PLOD1: variants seen among roughly 807,000 people sequenced by gnomAD.
PLOD1 encodes the protein procollagen-lysine,2-oxoglutarate 5-dioxygenase 1, also known as lysine hydroxylase.
A neutral mutation model predicts 94.7 loss-of-function variants in PLOD1; 70 were observed. The observed-to-expected ratio is 0.74, with a 90% CI of 0.61 to 0.90. The LOEUF (loss-of-function observed/expected upper bound fraction) is 0.90, where lower values mean the gene tolerates loss of function less well. Ranked by LOEUF, PLOD1 falls within the 40% of genes least tolerant of loss-of-function variation. The probability of loss-of-function intolerance (pLI) is 0.00; values close to 1 mark genes in which losing one functional copy is unlikely to be tolerated. For missense variants in PLOD1, 905 were observed against 972.7 expected (o/e 0.93, Z 0.93); for synonymous variants, 417 against 400.2 (o/e 1.04, Z -0.50).
In PLOD1 at chr1:11,949,880, G is replaced by A. The variant is rs768169776; in HGVS notation, c.276G>A (p.Glu92=). The change falls in exon 3 of 19, where the codon GAG becomes GAA. Residue 92 remains glutamate, a synonymous_variant. Coordinates refer to ENST00000196061, the MANE Select transcript of PLOD1 (RefSeq NM_000302.4). ...CTCTGGAGAAGCACGCAGACAAGGAGGATCTGGTCATTCTCTTCGCAGACA... is the reference window on the plus strand; with the variant it reads ...CTCTGGAGAAGCACGCAGACAAGGAAGATCTGGTCATTCTCTTCGCAGACA... ...KKALEKHADK[E]DLVILFADSY... 3.9e-5 allele frequency: 63 copies of A among 1,614,022 alleles called. 1 individual carries two copies. The highest frequency in any genetic ancestry group is 3.6e-5 in the Non-Finnish European group (42 of 1,180,010).
chr1:11,970,923 G>A, intron 17 of PLOD1, 107 bp downstream of exon 17: 1 of 978,172 alleles, frequency 1.0e-6, no homozygotes, highest in Non-Finnish European at 1.4e-6. Context: ...AACTGGGAGG[G>A]GCCGAGGTGG....
chr1:11,958,419 C>A lies in PLOD1; in HGVS notation c.844-97C>A. The A allele has an allele frequency of 7.2e-7, 1 of 1,397,816 alleles. No homozygotes were observed. The highest frequency in any genetic ancestry group is 1.4e-5 in the African/African-American group (1 of 70,658). The allele number at this position is 1,397,816 out of a possible 1,614,324, so 86.6% of individuals were successfully genotyped here. ...CCTTTCTTGGGAAGTCTACATGCTT[C>A]TGATTCTGGCTCTGACTCCCTTGGG... On this transcript the variant is annotated intron_variant, in intron 8 of 18. Coordinates refer to ENST00000196061, the MANE Select transcript of PLOD1 (RefSeq NM_000302.4). This position sits in a 1 kb window ranked among gnomAD's most constrained non-coding sequence, Gnocchi z 4.3.
chr1:11,944,826 C>T (rs372243837), intron 1 of PLOD1, among the ~76,000 whole-genome samples: 8 of 152,356 alleles, frequency 5.3e-5, no homozygotes, highest in East Asian at 3.9e-4. Flanking sequence ...ACCCCTGCCC[C>T]GCCAGCTCTG....
Position 11,972,744 on chromosome 1 carries a change from T to G in PLOD1, c.1903-128T>G, listed in dbSNP as rs116375338. ...GCAGGCACTCGAGCATAGAGCCCCA[T>G]GTAGACCTGGCCCCTGTAAGCTGAC... On this transcript the variant is annotated intron_variant, in intron 17 of 18. Coordinates refer to ENST00000196061, the MANE Select transcript of PLOD1 (RefSeq NM_000302.4). This position sits in a 1 kb window ranked among gnomAD's most constrained non-coding sequence, Gnocchi z 4.6. 1,754 of 941,182 alleles carry G rather than the reference T, an allele frequency of 1.9e-3. 13 individuals are homozygous for G. In the African/African-American group the frequency reaches 0.025, roughly 13 times the overall value. The allele number at this position is 941,182 out of a possible 1,614,324, so 58.3% of individuals were successfully genotyped here.
chr1:11,956,043 T>A (rs2100749728), intron 6 of PLOD1, among the ~76,000 whole-genome samples: 1 of 151,790 alleles, frequency 6.6e-6, no homozygotes, highest in East Asian at 2.0e-4. Flanking sequence ...ATTACAGGTG[T>A]GCGCCAGCGT....
rs149425237 is a variant in PLOD1 at position 11,972,896 on chromosome 1, G to A, written c.1927G>A (p.Val643Ile). 1,475 of 1,613,980 alleles carry A rather than the reference G, an allele frequency of 9.1e-4. 1 individual carries two copies. The highest frequency in any genetic ancestry group is 1.2e-3 in the Non-Finnish European group (1,377 of 1,179,954). The change falls in exon 18 of 19, where the codon GTC (valine) becomes ATC (isoleucine). Residue 643 changes from valine to isoleucine, a missense_variant. By Grantham distance (29) the Val-to-Ile change is conservative (BLOSUM62 3). Transcript: ENST00000196061. This position sits in a 1 kb window ranked among gnomAD's most constrained non-coding sequence, Gnocchi z 4.6. ...TRAQFDLAFVVRYKPDEQPSL... is the reference protein window; with the variant it reads ...TRAQFDLAFVIRYKPDEQPSL... ...GGCCCAGTTTGACCTGGCCTTTGTC[G>A]TCCGCTACAAGCCTGATGAGCAGCC...
intron 1 of PLOD1, among the ~76,000 whole-genome samples, chr1:11,940,866 G>A (rs773612066): frequency 2.0e-5 from 3 of 152,206 alleles, no homozygotes; most frequent in Non-Finnish European, 2.9e-5. Context: ...ACCTCACCAC[G>A]TGACTGCAGT....
At chr1:11,966,853 C>T (rs955718021) in intron 15 of PLOD1, 134 bp from the exon 16 acceptor site, 4 of 729,454 alleles carry the variant, frequency 5.5e-6, no homozygotes, top group Non-Finnish European at 1.0e-5. Flanking sequence ...CACTCAGTCT[C>T]TCCAGGATTG....
At position 11,934,842 on chromosome 1, in the gene PLOD1, C is replaced by T; in HGVS notation, c.63C>T (p.Asp21=). ...TGCTGCTGGCCGAAGCGAAGGGCGA[C>T]GCCAAGCCGGAGGGTGAGGGAGCGA... is the stretch of plus-strand genomic sequence containing the variant. ...GWLLLAEAKG[D]AKPEDNLLVL... is the part of the protein sequence containing the mutation. Residue 21 remains aspartate, a synonymous_variant, in exon 1 of 19, where the codon GAC becomes GAT. Coordinates refer to ENST00000196061, the MANE Select transcript of PLOD1 (RefSeq NM_000302.4). The T allele has an allele frequency of 6.5e-7, 1 of 1,539,228 alleles. No homozygotes were observed.
At chr1:11,966,743 C>G (rs993569317) in intron 15 of PLOD1, among the ~76,000 whole-genome samples, 4 of 152,152 alleles carry the variant, frequency 2.6e-5, no homozygotes, top group South Asian at 2.1e-4. Context: ...GCCTCTGCCC[C>G]CTCCCTCCCT....
chr1:11,944,724 G>T, intron 1 of PLOD1: 2 of 1,192,738 alleles, frequency 1.7e-6, no homozygotes, highest in Non-Finnish European at 2.2e-6. Context: ...CCCCAGCACC[G>T]CAGCTAATCC....
At chr1:11,967,597 G>GTGTATATATATATATATA (rs1391982281) in intron 16 of PLOD1, among the ~76,000 whole-genome samples, 55 of 59,762 alleles carry the variant, frequency 9.2e-4, no homozygotes, top group South Asian at 3.5e-3. Flanking sequence ...GTGTGTGTGT[G>GTGTATATATATATATATA]TATATATATA....
At chr1:11,962,251 C>T (rs1569716615) in intron 10 of PLOD1, among the ~76,000 whole-genome samples, 3 of 146,356 alleles carry the variant, frequency 2.0e-5, no homozygotes, top group East Asian at 2.1e-4. Context: ...ATAATTTTTA[C>T]ATCTTCTTTT....
chr1:11,973,137 G>C (rs750804170), intron 18 of PLOD1, 140 bp downstream of exon 18: 3 of 843,446 alleles, frequency 3.6e-6, no homozygotes, highest in Non-Finnish European at 5.7e-6. Flanking sequence ...ATGTGGGTCT[G>C]TGGGAGGGCT....
intron 11 of PLOD1, among the ~76,000 whole-genome samples, 154 bp from the exon 12 acceptor site, chr1:11,964,021 C>T (rs187090823): frequency 1.5e-4 from 23 of 152,256 alleles, no homozygotes; most frequent in East Asian, 5.8e-4. Flanking sequence ...GCCAAACCCC[C>T]GACACCCCGG....
rs1034375008 is a variant in PLOD1, at chr1:11,963,355, G to A, written c.1098-177G>A. ...CAACCTCTGGGCCTTGGGTGAGAGA[G>A]CCCAGCAGTCCAGGGGTTTGGGACT... On this transcript the variant is annotated intron_variant, in intron 10 of 18. Transcript: ENST00000196061. The surrounding 1 kb of genome is among the most constrained non-coding windows in gnomAD (Gnocchi z 4.3). Among the ~76,000 whole-genome samples the A allele has an allele frequency of 6.6e-6, 1 of 152,192 alleles. No homozygotes were observed. Among genetic ancestry groups the A allele is most frequent in the African/African-American group, 2.4e-5 (1 of 41,450 alleles).
Position 11,972,908 on chromosome 1 carries a change from C to T in PLOD1, c.1939C>T (p.Pro647Ser). The T allele has an allele frequency of 6.2e-7, 1 of 1,614,098 alleles. No homozygotes were observed. Among genetic ancestry groups the T allele is most frequent in the South Asian group, 1.1e-5 (1 of 91,080 alleles). ...CCTGGCCTTTGTCGTCCGCTACAAGCCTGATGAGCAGCCCTCACTGATGCC... is the reference window on the plus strand; with the variant it reads ...CCTGGCCTTTGTCGTCCGCTACAAGTCTGATGAGCAGCCCTCACTGATGCC... ...FDLAFVVRYKPDEQPSLMPHH... is the reference protein window; with the variant it reads ...FDLAFVVRYKSDEQPSLMPHH... Residue 647 changes from proline to serine, a missense_variant, in exon 18 of 19, where the codon CCT (proline) becomes TCT (serine). Transcript: ENST00000196061. The surrounding 1 kb of genome is among the most constrained non-coding windows in gnomAD (Gnocchi z 4.6).
rs3047221 is a variant in PLOD1 at position 11,972,209 on chromosome 1, C to CCT, written c.1903-644_1903-643dup. ...CCTTTCTTCCCTTCCTTCCTTCCTT[C>CCT]CTCTCTCTCTCTCTCTCTCTTTCTT... On this transcript the variant is annotated intron_variant, in intron 17 of 18. Coordinates refer to ENST00000196061, the MANE Select transcript of PLOD1 (RefSeq NM_000302.4). The surrounding 1 kb of genome is among the most constrained non-coding windows in gnomAD (Gnocchi z 4.6). 0.04 allele frequency: 5,842 copies of CCT among 147,100 alleles called. 221 individuals carry two copies. The highest frequency in any genetic ancestry group is 0.11 in the African/African-American group (4,077 of 38,312). 9.1% of individuals were successfully genotyped at this position (147,100 alleles called of 1,614,324 possible). A position where few individuals can be genotyped will look rare whatever the true frequency, so the allele number is the denominator to read the frequency against.
At chr1:11,961,814 A>G (rs150906312) in intron 10 of PLOD1, among the ~76,000 whole-genome samples, 1 of 152,052 alleles carries the variant, frequency 6.6e-6, no homozygotes, top group African/African-American at 2.4e-5. Flanking sequence ...TTAGAGACTG[A>G]GTCTCACTCC....
Sources: allele counts gnomAD v4.1 joint callset (sites outside exome capture counted in the v4.1 genomes callset), GRCh38; gene constraint gnomAD v4.1.1; non-coding constraint Gnocchi (gnomAD v3.1); transcripts MANE v1.5; gene names NCBI Gene and HGNC (gene_info 2026-07-23, HGNC 2026-07-21).